The following CENPT variants were observed in gnomAD, a reference collection of about 807,000 sequenced individuals.
CENPT encodes centromere protein T, also known as interphase centromere complex protein 22.
Under a neutral mutation model 59.7 loss-of-function variants are expected in CENPT, and 42 were observed. The ratio of observed to expected loss-of-function variants is 0.70; its 90% CI spans 0.55 to 0.91. The LOEUF is 0.91. CENPT is among the 40% of genes least tolerant of loss of function. The pLI is 0.00. For missense variants in CENPT, 716 were observed against 713.4 expected (o/e 1.00, Z -0.04); for synonymous variants, 295 against 289.6 (o/e 1.02, Z -0.19).
chr16:67,846,107 C>T (rs1247284567), intron 1 of CENPT, among the ~76,000 whole-genome samples: 2 of 152,216 alleles, frequency 1.3e-5, no homozygotes, highest in East Asian at 3.8e-4. Context: ...ACCAAGAAAA[C>T]AAATGGGCGT....
chr16:67,828,246 G>T lies in CENPT; in HGVS notation c.*21C>A, dbSNP rs1418150052. ...GCAAGAGTCCCCAGGTGGGGACAGG[G>T]AAAGTGTTGAAGCCTGGCCACTACT... On this transcript the variant is annotated 3_prime_UTR_variant, in exon 16 of 16. Coordinates refer to ENST00000562787, the MANE Select transcript of CENPT (RefSeq NM_025082.4). 1 of 1,560,614 alleles carries T rather than the reference G, an allele frequency of 6.4e-7. No homozygotes were observed. The highest frequency in any genetic ancestry group is 1.4e-5 in the African/African-American group (1 of 73,476).
chr16:67,839,170 T>C (rs1472310268), intron 1 of CENPT, among the ~76,000 whole-genome samples: 2 of 151,856 alleles, frequency 1.3e-5, no homozygotes, highest in Admixed American at 6.6e-5. Context: ...GTGGATTGCA[T>C]GAGGTCAGGA....
chr16:67,832,249 G>C lies in CENPT; in HGVS notation c.268C>G (p.Leu90Val). ...HLEEQTPRTLLKNILLTAPES... is the reference protein window; with the variant it reads ...HLEEQTPRTLVKNILLTAPES... ...TTACCAGTTAGTAGGATGTTCTTCA[G>C]CAGCGTCCGAGGTGTCTGTTCCTCC... Residue 90 changes from leucine (L) to valine (V), a missense_variant, in exon 6 of 16, where the codon CTG (leucine) becomes GTG (valine). Leu to Val is a conservative substitution (Grantham distance 32). Transcript: ENST00000562787. 6.2e-7 allele frequency: 1 copy of C among 1,614,194 alleles called. No individual in the cohort carries two copies. The highest frequency in any genetic ancestry group is 8.5e-7 in the Non-Finnish European group (1 of 1,180,004).
At chr16:67,828,642 C>T in intron 14 of CENPT, 25 bp downstream of exon 14, 1 of 1,614,030 alleles carries the variant, frequency 6.2e-7, no homozygotes, top group Admixed American at 1.7e-5. Flanking sequence ...GGTTCCTCTC[C>T]CTACCCCATG....
At chr16:67,841,697 G>T (rs1294158147) in intron 1 of CENPT, 1 of 152,262 alleles carries the variant, frequency 6.6e-6, no homozygotes, top group Non-Finnish European at 1.5e-5. Context: ...TCCCGGCACC[G>T]TGTCAGCCAC....
At chr16:67,831,059 G>T in intron 10 of CENPT, 157 bp downstream of exon 10, 2 of 934,970 alleles carry the variant, frequency 2.1e-6, no homozygotes, top group Non-Finnish European at 3.3e-6. Context: ...GCCCCCTGTA[G>T]AAAGCAAGCA....
intron 1 of CENPT, among the ~76,000 whole-genome samples, chr16:67,845,348 C>CT (rs1341842579): frequency 6.6e-6 from 1 of 152,198 alleles, no homozygotes; most frequent in Non-Finnish European, 1.5e-5. Context: ...ACTCAAGTCT[C>CT]TGTTTCCCTT....
In CENPT at chr16:67,843,812, G is replaced by C; in HGVS notation, c.-492+3589C>G. On this transcript the variant is annotated intron_variant, in intron 1 of 15. Coordinates refer to ENST00000562787, the MANE Select transcript of CENPT (RefSeq NM_025082.4). This position sits in a 1 kb window ranked among gnomAD's most constrained non-coding sequence, Gnocchi z 5.7. ...TGAAACTTACCCTCTAGGGATGCAG[G>C]TGGGATGTCCAGGGACTATAGGTTT... 1 of 334,900 alleles carries C rather than the reference G, an allele frequency of 3.0e-6. No homozygotes were observed. The allele number at this position is 334,900 out of a possible 1,614,324, so 20.7% of individuals were successfully genotyped here.
chr16:67,829,528 A>G lies in CENPT; in HGVS notation c.1187-12T>C. 6.3e-7 allele frequency: 1 copy of G among 1,594,900 alleles called. No individual in the cohort carries two copies. Among genetic ancestry groups the G allele is most frequent in the Non-Finnish European group, 8.5e-7 (1 of 1,173,348 alleles). ...CGACTCTGGACTTGCTACAAAGAAG[A>G]AGGGTGGGGTCACAGGGATTCCAGG... On this transcript the variant is annotated splice_polypyrimidine_tract_variant and intron_variant, in intron 12 of 15. Coordinates refer to ENST00000562787, the MANE Select transcript of CENPT (RefSeq NM_025082.4).
intron 13 of CENPT, 97 bp from the exon 14 acceptor site, chr16:67,828,940 G>A (rs1362295213): frequency 6.8e-5 from 92 of 1,358,174 alleles, no homozygotes; most frequent in South Asian, 1.7e-4. Flanking sequence ...TGGGGACCAC[G>A]TGGCCCTTGG....
rs1260384826 is a variant in CENPT, at chr16:67,838,513, TC to T, written c.-491-2856del. 2.0e-5 allele frequency among the ~76,000 whole-genome samples: 3 copies of T among 151,828 alleles called. No homozygotes were observed. The East Asian group carries it at 5.8e-4, about 29-fold the overall frequency. On this transcript the variant is annotated intron_variant, in intron 1 of 15. Transcript: ENST00000562787. Reference sequence around the variant, plus strand: ...GGTTCATGCCTGTAGTCCCAGCTACTCGGGAGGCTGAGGCAGGAGAATGGCT... The same window carrying T: ...GGTTCATGCCTGTAGTCCCAGCTACTGGGAGGCTGAGGCAGGAGAATGGCT...
intron 10 of CENPT, 26 bp downstream of exon 10, chr16:67,831,190 G>A (rs1169759063): frequency 6.2e-7 from 1 of 1,613,408 alleles, no homozygotes; most frequent in East Asian, 2.2e-5. Context: ...TTCCCCAAAG[G>A]CCAGCAGGGG....
At chr16:67,846,254 A>C (rs1474969039) in intron 1 of CENPT, among the ~76,000 whole-genome samples, 2 of 152,250 alleles carry the variant, frequency 1.3e-5, no homozygotes, top group Non-Finnish European at 2.9e-5. Context: ...TATCTGCTGC[A>C]AAAAAACCTT....
In CENPT at chr16:67,843,016, G is replaced by A. The variant is rs1237792389; in HGVS notation, c.-492+4385C>T. 2 of 1,612,546 alleles carry A rather than the reference G, an allele frequency of 1.2e-6. No individual in the cohort carries two copies. Among genetic ancestry groups the A allele is most frequent in the Non-Finnish European group, 1.7e-6 (2 of 1,180,016 alleles). On this transcript the variant is annotated intron_variant, in intron 1 of 15. Coordinates refer to ENST00000562787, the MANE Select transcript of CENPT (RefSeq NM_025082.4). The surrounding 1 kb of genome is among the most constrained non-coding windows in gnomAD (Gnocchi z 5.7). ...AGCCGAACCTGGTATCTGCTTCCGCGGCCGTGCTTCTCACCCTTCAGGCCA... is the reference window on the plus strand; with the variant it reads ...AGCCGAACCTGGTATCTGCTTCCGCAGCCGTGCTTCTCACCCTTCAGGCCA...
chr16:67,839,324 C>CAGTGA (rs1015492666), intron 1 of CENPT, among the ~76,000 whole-genome samples: 28 of 143,744 alleles, frequency 1.9e-4, no homozygotes, highest in South Asian at 4.4e-4. Context: ...GTGGAGTTTG[C>CAGTGA]AGTGAGCCTA....
intron 1 of CENPT, among the ~76,000 whole-genome samples, chr16:67,845,855 G>A (rs1033342419): frequency 1.3e-5 from 2 of 152,252 alleles, no homozygotes; most frequent in African/African-American, 4.8e-5. Flanking sequence ...TTAAAAAACA[G>A]AAGTGTGGTC....
Position 67,829,513 on chromosome 16 carries a change from CT to C in CENPT, c.1189del (p.Ser397ValfsTer64). ...AGGGGTGCTGGAGGCCGACTCTGGA[CT>C]TGCTACAAAGAAGAAGGGTGGGGTC... is the stretch of plus-strand genomic sequence containing the variant. ...GDEDASGRAA[S>X]PESASSTPES... is the part of the protein sequence containing the mutation. On this transcript the variant is annotated frameshift_variant and splice_region_variant, in exon 13 of 16. Transcript: ENST00000562787. LOFTEE classifies it high-confidence loss of function. 1 of 1,596,190 alleles carries C rather than the reference CT, an allele frequency of 6.3e-7. No homozygotes were observed. The highest frequency in any genetic ancestry group is 1.4e-5 in the African/African-American group (1 of 73,590).
intron 12 of CENPT, 73 bp from the exon 13 acceptor site, chr16:67,829,589 A>T: frequency 7.0e-7 from 1 of 1,435,096 alleles, no homozygotes. Context: ...CAGCCACAGT[A>T]TTTCTGTCCT....
chr16:67,831,164 C>T, intron 10 of CENPT, 52 bp downstream of exon 10: 1 of 1,612,694 alleles, frequency 6.2e-7, no homozygotes, highest in Non-Finnish European at 8.5e-7. Context: ...TCCTATCTGT[C>T]ATAGCGGGGA....
Sources: allele counts gnomAD v4.1 joint callset (sites outside exome capture counted in the v4.1 genomes callset), GRCh38; gene constraint gnomAD v4.1.1; non-coding constraint Gnocchi (gnomAD v3.1); transcripts MANE v1.5; gene names NCBI Gene and HGNC (gene_info 2026-07-23, HGNC 2026-07-21).